Variants in MORC3 observed in about 807,000 individuals in gnomAD.
The protein encoded by MORC3 is MORC family CW-type zinc finger protein 3.
A neutral mutation model predicts 109.1 loss-of-function variants in MORC3; 31 were observed. That is an observed-to-expected ratio of 0.28 (90% CI 0.21 to 0.38). The LOEUF is 0.38. Among genes scored for constraint, MORC3 ranks in the 10% least tolerant of loss-of-function variants. The probability of loss-of-function intolerance (pLI) is 1.00; values close to 1 mark genes in which losing one functional copy is unlikely to be tolerated. For synonymous variants in MORC3, 395 were observed against 380.7 expected (o/e 1.04, Z -0.44); for missense variants, 867 against 1,135.8 (o/e 0.76, Z 3.40).
At chr21:36,357,344 A>G (rs928739279) in intron 10 of MORC3, among the ~76,000 whole-genome samples, 21 of 152,308 alleles carry the variant, frequency 1.4e-4, no homozygotes, top group African/African-American at 5.1e-4. Flanking sequence ...TATTACAAAG[A>G]TAACCAAGAT....
Position 36,374,011 on chromosome 21 carries a change from G to A in MORC3, c.2667-1132G>A, listed in dbSNP as rs117789728. ...TTATCTTAATCTATGGTTTCCCAGT[G>A]TTTTCAGCAAACCATTGTTCTCTGT... On this transcript the variant is annotated intron_variant, in intron 16 of 16. Coordinates refer to ENST00000400485, the MANE Select transcript of MORC3 (RefSeq NM_015358.3). Among the ~76,000 whole-genome samples, 1,254 of 152,256 alleles carry A rather than the reference G, an allele frequency of 8.2e-3. 12 individuals are homozygous for A. The highest frequency in any genetic ancestry group is 0.013 in the Non-Finnish European group (877 of 68,018).
chr21:36,336,836 G>T, intron 2 of MORC3, 38 bp from the exon 3 acceptor site: 1 of 1,568,802 alleles, frequency 6.4e-7, no homozygotes, highest in African/African-American at 1.4e-5. Flanking sequence ...TCTTTTTAAA[G>T]TGTAAAATCA....
chr21:36,368,632 T>C (rs1032723676), intron 14 of MORC3, among the ~76,000 whole-genome samples: 6 of 152,186 alleles, frequency 3.9e-5, no homozygotes, highest in African/African-American at 1.4e-4. Context: ...TCCCAGCACT[T>C]TGGGAGGCTG....
At chr21:36,345,940 C>CAAGTGAT (rs1488239550) in intron 8 of MORC3, among the ~76,000 whole-genome samples, 1 of 152,168 alleles carries the variant, frequency 6.6e-6, no homozygotes, top group Non-Finnish European at 1.5e-5. Context: ...CTCCCAGGTT[C>CAAGTGAT]AAGTGATCCT....
At chr21:36,340,320 T>C (rs1055484412) in intron 5 of MORC3, among the ~76,000 whole-genome samples, 17 of 151,704 alleles carry the variant, frequency 1.1e-4, no homozygotes, top group African/African-American at 3.6e-4. Flanking sequence ...ACTATTGATA[T>C]TGACAGGATT....
chr21:36,334,994 G>T (rs1245804488), intron 2 of MORC3, among the ~76,000 whole-genome samples: 1 of 152,136 alleles, frequency 6.6e-6, no homozygotes, highest in Non-Finnish European at 1.5e-5. Context: ...CGCCAGGGTG[G>T]TGGTGCACAC....
chr21:36,327,717 C>G (rs1438596470), intron 1 of MORC3, among the ~76,000 whole-genome samples: 1 of 151,058 alleles, frequency 6.6e-6, no homozygotes. Flanking sequence ...CTGACCTGTT[C>G]GGTAAATTGG....
intron 8 of MORC3, among the ~76,000 whole-genome samples, chr21:36,346,088 T>C (rs1484285168): frequency 6.6e-6 from 1 of 152,198 alleles, no homozygotes; most frequent in Non-Finnish European, 1.5e-5. Flanking sequence ...TGGTGTGATC[T>C]CAGCTCACTG....
chr21:36,368,855 C>T (rs755138925), intron 14 of MORC3, 133 bp from the exon 15 acceptor site: 19 of 811,472 alleles, frequency 2.3e-5, no homozygotes, highest in South Asian at 1.2e-4. Flanking sequence ...CTAGCCTGGG[C>T]GACAGAGTGA....
At position 36,369,152 on chromosome 21, in the gene MORC3, A is replaced by T. The variant is rs1168094098; in HGVS notation, c.1784A>T (p.Asp595Val). 6.2e-7 allele frequency: 1 copy of T among 1,614,170 alleles called. No homozygotes were observed. The highest frequency in any genetic ancestry group is 1.1e-5 in the South Asian group (1 of 91,076). Residue 595 changes from aspartate to valine, a missense_variant, in exon 15 of 17, where the codon GAC (aspartate) becomes GTC (valine). Transcript: ENST00000400485. ...TPKPAVDHDI[D>V]MKSEQSHVEQ... ...AAACCTGCAGTAGATCATGATATTG[A>T]CATGAAATCAGAACAGAGTCACGTT...
intron 5 of MORC3, 31 bp downstream of exon 5, chr21:36,338,952 G>A (rs2085405063): frequency 1.2e-6 from 2 of 1,608,632 alleles, no homozygotes; most frequent in Non-Finnish European, 1.7e-6. Context: ...TGACCGTTTG[G>A]GAAGTAAAGT....
intron 2 of MORC3, among the ~76,000 whole-genome samples, chr21:36,336,288 G>A (rs1030035001): frequency 2.6e-5 from 4 of 151,594 alleles, no homozygotes; most frequent in Non-Finnish European, 2.9e-5. Flanking sequence ...TGTTGCCCAG[G>A]CTAGAGTGCA....
intron 8 of MORC3, among the ~76,000 whole-genome samples, chr21:36,347,028 A>C (rs2085516507): frequency 6.7e-6 from 1 of 149,348 alleles, no homozygotes; most frequent in African/African-American, 2.5e-5. Context: ...AAAAAAAAAC[A>C]AAGAAATTGG....
rs201331679 is a variant in MORC3, at chr21:36,322,817, A to AT, written c.39+2524dup. 1.2e-3 allele frequency among the ~76,000 whole-genome samples: 184 copies of AT among 149,374 alleles called. 2 individuals are homozygous for AT. The highest frequency in any genetic ancestry group is 2.1e-3 in the South Asian group (10 of 4,730). On this transcript the variant is annotated intron_variant, in intron 1 of 16. Transcript: ENST00000400485. ...GCATATACTTTGGTTTTTGTTGTTG[A>AT]TTTTTTTTTTCAGAAATGCTGCTGT... is the stretch of plus-strand genomic sequence containing the variant.
intron 13 of MORC3, 103 bp from the exon 14 acceptor site, chr21:36,363,990 T>C: frequency 7.9e-7 from 1 of 1,263,732 alleles, no homozygotes; most frequent in Non-Finnish European, 1.1e-6. Flanking sequence ...GAATTGTTTT[T>C]GTGTCTTCTG....
intron 9 of MORC3, 71 bp from the exon 10 acceptor site, chr21:36,356,549 C>G: frequency 1.1e-6 from 1 of 945,398 alleles, no homozygotes; most frequent in Non-Finnish European, 1.6e-6. Flanking sequence ...TGTCTATGTA[C>G]TCATTACTAG....
chr21:36,328,331 C>CT (rs2085273173), intron 1 of MORC3, among the ~76,000 whole-genome samples: 1 of 137,978 alleles, frequency 7.2e-6, no homozygotes, highest in African/African-American at 2.8e-5. Flanking sequence ...TAATAATAAG[C>CT]CCCCCCCCGC....
intron 8 of MORC3, among the ~76,000 whole-genome samples, chr21:36,347,238 C>T (rs1310670003): frequency 6.6e-6 from 1 of 152,086 alleles, no homozygotes; most frequent in African/African-American, 2.4e-5. Context: ...GCAGATTCAC[C>T]TTGAATACCA....
intron 10 of MORC3, among the ~76,000 whole-genome samples, 169 bp from the exon 11 acceptor site, chr21:36,359,786 A>C (rs1482681546): frequency 6.6e-6 from 1 of 151,994 alleles, no homozygotes; most frequent in East Asian, 1.9e-4. Flanking sequence ...AACTCCTGGG[A>C]TTATAGGCAT....
Sources: allele counts gnomAD v4.1 joint callset (sites outside exome capture counted in the v4.1 genomes callset), GRCh38; gene constraint gnomAD v4.1.1; transcripts MANE v1.5; gene names NCBI Gene and HGNC (gene_info 2026-07-23, HGNC 2026-07-21).